Variants in SCMH1 observed in about 807,000 individuals in gnomAD.
SCMH1 encodes the protein polycomb protein SCMH1.
A neutral mutation model predicts 70.8 loss-of-function variants in SCMH1; 37 were observed. The observed-to-expected ratio is 0.52, with a 90% CI of 0.40 to 0.69. The LOEUF (loss-of-function observed/expected upper bound fraction) is 0.69, where lower values mean the gene tolerates loss of function less well. Among genes scored for constraint, SCMH1 ranks in the 30% least tolerant of loss-of-function variants. The probability of loss-of-function intolerance (pLI) is 0.00; values close to 1 mark genes in which losing one functional copy is unlikely to be tolerated. For synonymous variants in SCMH1, 292 were observed against 307.4 expected, an observed-to-expected ratio of 0.95 and a Z score of 0.52; for missense variants, 607 against 827.3, an observed-to-expected ratio of 0.73 and a Z score of 3.27.
At chr1:41,217,309 G>A (rs2148827549) in intron 1 of SCMH1, among the ~76,000 whole-genome samples, 1 of 152,316 alleles carries the variant, frequency 6.6e-6, no homozygotes. Flanking sequence ...TTTAGCTGAG[G>A]CGATTTCTAA....
At chr1:41,078,509 G>A (rs548189888) in intron 8 of SCMH1, among the ~76,000 whole-genome samples, 1 of 152,206 alleles carries the variant, frequency 6.6e-6, no homozygotes, top group East Asian at 1.9e-4. Flanking sequence ...ATAAAAGACA[G>A]GGAGGAAATA....
chr1:41,148,404 C>T (rs184342655), intron 5 of SCMH1, among the ~76,000 whole-genome samples: 1 of 152,180 alleles, frequency 6.6e-6, no homozygotes, highest in East Asian at 1.9e-4. Context: ...CTTGATGAAC[C>T]TCCTTTAACA....
intron 10 of SCMH1, among the ~76,000 whole-genome samples, chr1:41,069,750 G>A (rs1045306205): frequency 2.6e-5 from 4 of 152,138 alleles, no homozygotes; most frequent in African/African-American, 7.2e-5. Flanking sequence ...AAGAGATGGC[G>A]ACACAATGGT....
At chr1:41,091,079 C>CA (rs1188655460) in intron 8 of SCMH1, among the ~76,000 whole-genome samples, 1 of 148,150 alleles carries the variant, frequency 6.7e-6, no homozygotes, top group Non-Finnish European at 1.5e-5. Flanking sequence ...AGAGACACAA[C>CA]AAAAAAAGAC....
chr1:41,160,937 A>G (rs1645967156), intron 3 of SCMH1, 39 bp from the exon 4 acceptor site: 1 of 1,537,838 alleles, frequency 6.5e-7, no homozygotes, highest in Non-Finnish European at 8.8e-7. Flanking sequence ...AGTCATTAAG[A>G]CAAACATACC....
intron 8 of SCMH1, among the ~76,000 whole-genome samples, chr1:41,100,622 G>C (rs1666355501): frequency 6.7e-6 from 1 of 148,468 alleles, no homozygotes; most frequent in Non-Finnish European, 1.5e-5. Flanking sequence ...CTGGAGTGCA[G>C]TGGCACGATC....
intron 1 of SCMH1, among the ~76,000 whole-genome samples, chr1:41,213,892 TTA>T (rs1657567357): frequency 7.1e-6 from 1 of 140,700 alleles, no homozygotes; most frequent in Admixed American, 7.2e-5. Flanking sequence ...ACATTTTTTT[TTA>T]AAAAAAACCT....
intron 4 of SCMH1, 129 bp downstream of exon 4, chr1:41,160,746 A>G: frequency 1.2e-6 from 1 of 855,618 alleles, no homozygotes; most frequent in Non-Finnish European, 1.9e-6. Flanking sequence ...AGACAAGAGC[A>G]CAGGATTCAC....
chr1:41,155,984 C>CAAAAAAA (rs386366781), intron 4 of SCMH1, among the ~76,000 whole-genome samples: 1 of 74,652 alleles, frequency 1.3e-5, no homozygotes, highest in African/African-American at 6.1e-5. Context: ...GACTCCGTCT[C>CAAAAAAA]AAAAAAAAAA....
chr1:41,193,635 T>C (rs1263597240), intron 1 of SCMH1, among the ~76,000 whole-genome samples: 1 of 152,060 alleles, frequency 6.6e-6, no homozygotes, highest in Non-Finnish European at 1.5e-5. Flanking sequence ...GAATTGAACA[T>C]AGAAATGGAA....
chr1:41,241,512 G>A (rs1663535762), intron 1 of SCMH1, among the ~76,000 whole-genome samples: 1 of 148,308 alleles, frequency 6.7e-6, no homozygotes, highest in Non-Finnish European at 1.5e-5. Flanking sequence ...TGGGGGCCAC[G>A]CCGCCCCGTC....
rs955712985 is a variant in SCMH1 at position 41,147,495 on chromosome 1, T to C, written c.177+4119A>G. 1.8e-4 allele frequency among the ~76,000 whole-genome samples: 27 copies of C among 152,170 alleles called. 1 individual carries two copies. The highest frequency in any genetic ancestry group is 5.8e-4 in the African/African-American group (24 of 41,444). Reference sequence around the variant, plus strand: ...ATTTAATTTTGTGAAATGCAGGTACTTGGAAAGAATGTGTATCTACATATG... The same window carrying C: ...ATTTAATTTTGTGAAATGCAGGTACCTGGAAAGAATGTGTATCTACATATG... On this transcript the variant is annotated intron_variant, in intron 5 of 14. Coordinates refer to ENST00000337495, the Ensembl canonical transcript of SCMH1.
intron 1 of SCMH1, among the ~76,000 whole-genome samples, chr1:41,218,374 G>T (rs1015903483): frequency 4.6e-5 from 7 of 152,098 alleles, no homozygotes; most frequent in Admixed American, 4.6e-4. Context: ...CCAATGTGAT[G>T]GTGTCCTTAA....
At chr1:41,075,248 T>C in exon 9 of SCMH1, 1 of 1,614,084 alleles carries the variant, frequency 6.2e-7, no homozygotes, top group Non-Finnish European at 8.5e-7. Context: ...CCTCTCTTCT[T>C]TGGGAATTTC....
chr1:41,116,513 T>A (rs1174418538), intron 7 of SCMH1, among the ~76,000 whole-genome samples: 4 of 152,186 alleles, frequency 2.6e-5, no homozygotes, highest in Admixed American at 6.5e-5. Flanking sequence ...GGGTATTACA[T>A]GAGATAGTAT....
intron 2 of SCMH1, among the ~76,000 whole-genome samples, chr1:41,167,908 T>G (rs1008980013): frequency 2.9e-5 from 1 of 34,694 alleles, no homozygotes; most frequent in Non-Finnish European, 6.4e-5. Context: ...GCTGGCAGTG[T>G]TTTGTTTTTT....
intron 8 of SCMH1, among the ~76,000 whole-genome samples, chr1:41,088,789 T>C (rs1662471803): frequency 6.6e-6 from 1 of 152,242 alleles, no homozygotes; most frequent in African/African-American, 2.4e-5. Flanking sequence ...AGTTTTTCCA[T>C]AGTGGTATGC....
At chr1:41,094,232 T>C (rs1003373489) in intron 8 of SCMH1, among the ~76,000 whole-genome samples, 1 of 152,140 alleles carries the variant, frequency 6.6e-6, no homozygotes, top group Non-Finnish European at 1.5e-5. Context: ...TATGCCCGAG[T>C]TGCTTTTTGG....
At chr1:41,210,598 G>A (rs1352500353) in intron 1 of SCMH1, among the ~76,000 whole-genome samples, 1 of 152,126 alleles carries the variant, frequency 6.6e-6, no homozygotes, top group Non-Finnish European at 1.5e-5. Flanking sequence ...ACAAAAACAA[G>A]AAATAGGGGA....
Sources: gnomAD v4.1 joint callset for allele counts (sites outside exome capture counted in the v4.1 genomes callset) on GRCh38, gnomAD v4.1.1 for gene constraint, MANE v1.5 for transcripts, NCBI Gene and HGNC (gene_info 2026-07-23, HGNC 2026-07-21) for gene names.